Variants in CUL2 observed in about 807,000 individuals in gnomAD.
CUL2 encodes the protein cullin-2.
CUL2 carries 22 observed loss-of-function variants against 110.2 expected under a neutral mutation model. The ratio of observed to expected loss-of-function variants is 0.20; its 90% CI spans 0.14 to 0.28. The LOEUF (loss-of-function observed/expected upper bound fraction) is 0.28, where lower values mean the gene tolerates loss of function less well. CUL2 is among the 10% of genes least tolerant of loss of function. CUL2 has a pLI of 1.00. For missense variants in CUL2, 631 were observed against 905.5 expected, an observed-to-expected ratio of 0.70 and a Z score of 3.89; for synonymous variants, 279 against 293.2, an observed-to-expected ratio of 0.95 and a Z score of 0.49.
At chr10:35,049,499 G>C (rs1028394010) in intron 6 of CUL2, among the ~76,000 whole-genome samples, 184 bp downstream of exon 6, 1 of 128,484 alleles carries the variant, frequency 7.8e-6, no homozygotes, top group African/African-American at 3.0e-5. Flanking sequence ...GAAAAAAAAA[G>C]AAAGAAGAAG....
At chr10:35,041,671 T>C (rs940863497) in intron 8 of CUL2, among the ~76,000 whole-genome samples, 1 of 152,120 alleles carries the variant, frequency 6.6e-6, no homozygotes, top group African/African-American at 2.4e-5. Context: ...CCAAGAGCTA[T>C]GACCAGACGA....
chr10:35,041,128 A>T (rs2085776119), intron 8 of CUL2, among the ~76,000 whole-genome samples: 1 of 152,248 alleles, frequency 6.6e-6, no homozygotes, highest in Non-Finnish European at 1.5e-5. Context: ...ACTTTGATTA[A>T]CAATAAATCC....
At chr10:35,022,827 A>G (rs887145064) in intron 17 of CUL2, among the ~76,000 whole-genome samples, 3 of 152,118 alleles carry the variant, frequency 2.0e-5, no homozygotes, top group Non-Finnish European at 4.4e-5. Context: ...TGGGTGGATC[A>G]CGAGGTCAGG....
At chr10:35,061,281 C>A (rs2086373722) in intron 3 of CUL2, among the ~76,000 whole-genome samples, 1 of 151,898 alleles carries the variant, frequency 6.6e-6, no homozygotes, top group African/African-American at 2.4e-5. Flanking sequence ...CAAGACCAGC[C>A]TGACCAACAT....
chr10:35,036,741 T>A (rs552910875), intron 9 of CUL2, among the ~76,000 whole-genome samples: 2 of 152,198 alleles, frequency 1.3e-5, no homozygotes, highest in Admixed American at 6.6e-5. Context: ...GTGGTTTTAA[T>A]GGCTTTTTTT....
chr10:35,035,305 A>C lies in CUL2; in HGVS notation c.878-9T>G. The C allele has an allele frequency of 6.2e-7, 1 of 1,612,948 alleles. No homozygotes were observed. The highest frequency in any genetic ancestry group is 8.5e-7 in the Non-Finnish European group (1 of 1,179,088). ...GTACATATTTGCCATGTCTGAGAGG[A>C]AAAAGACATCTGAGGGTTAACTCCC... On this transcript the variant is annotated splice_polypyrimidine_tract_variant and intron_variant, in intron 9 of 20. Coordinates refer to ENST00000374749, the MANE Select transcript of CUL2 (RefSeq NM_003591.4).
At chr10:35,072,791 T>C (rs139809599) in intron 1 of CUL2, among the ~76,000 whole-genome samples, 74 of 152,326 alleles carry the variant, frequency 4.9e-4, no homozygotes, top group Non-Finnish European at 8.7e-4. Flanking sequence ...TAAATGTAAT[T>C]GCTCAAAGGA....
chr10:35,094,515 G>T (rs184176101), upstream of CUL2, among the ~76,000 whole-genome samples: 4 of 152,274 alleles, frequency 2.6e-5, no homozygotes, highest in East Asian at 1.9e-4. Flanking sequence ...GATTACAGGC[G>T]GGAGCCACTG....
chr10:35,123,007 G>A (rs1463731396), intron 1 of CUL2, among the ~76,000 whole-genome samples: 4 of 152,134 alleles, frequency 2.6e-5, no homozygotes, highest in Admixed American at 2.6e-4. Context: ...GCATGGTGGT[G>A]CACACCTGTA....
intron 2 of CUL2, among the ~76,000 whole-genome samples, chr10:35,067,647 G>A (rs1368593546): frequency 6.6e-6 from 1 of 151,746 alleles, no homozygotes; most frequent in African/African-American, 2.4e-5. Flanking sequence ...GGGAGGATGA[G>A]GCATGAGAAT....
At chr10:35,040,248 C>T (rs920565749) in intron 8 of CUL2, among the ~76,000 whole-genome samples, 2 of 152,132 alleles carry the variant, frequency 1.3e-5, no homozygotes, top group African/African-American at 4.8e-5. Flanking sequence ...TAAAGTTTAT[C>T]CTACATAAAG....
At chr10:35,051,799 T>A (rs185006077) in intron 5 of CUL2, among the ~76,000 whole-genome samples, 2 of 152,322 alleles carry the variant, frequency 1.3e-5, no homozygotes, top group African/African-American at 4.8e-5. Context: ...TAGAGTTTTT[T>A]ATATATTGTG....
intron 1 of CUL2, among the ~76,000 whole-genome samples, chr10:35,110,838 A>G (rs1054024824): frequency 2.6e-5 from 4 of 152,076 alleles, no homozygotes; most frequent in Non-Finnish European, 5.9e-5. Context: ...TTTTAACTTA[A>G]TCATATCTTT....
intron 1 of CUL2, among the ~76,000 whole-genome samples, chr10:35,074,692 G>A (rs1259790666): frequency 3.3e-5 from 5 of 152,126 alleles, no homozygotes; most frequent in Non-Finnish European, 5.9e-5. Flanking sequence ...CACCATGTTG[G>A]CCAGGCTGGT....
chr10:35,017,201 TG>T (rs2085058658), intron 17 of CUL2, among the ~76,000 whole-genome samples: 1 of 152,112 alleles, frequency 6.6e-6, no homozygotes, highest in Non-Finnish European at 1.5e-5. Flanking sequence ...CCAAAATTAA[TG>T]CTATTATGTC....
intron 10 of CUL2, among the ~76,000 whole-genome samples, chr10:35,034,627 T>C (rs1008558862): frequency 6.6e-6 from 1 of 152,212 alleles, no homozygotes; most frequent in African/African-American, 2.4e-5. Context: ...GACAAACTGT[T>C]ACAGTACAAA....
At chr10:35,036,337 C>T (rs1011131794) in intron 9 of CUL2, among the ~76,000 whole-genome samples, 3 of 152,240 alleles carry the variant, frequency 2.0e-5, no homozygotes, top group Admixed American at 1.3e-4. Context: ...TACTATTCTA[C>T]AGTAACTGGA....
At chr10:35,051,569 T>C (rs373970968) in intron 5 of CUL2, among the ~76,000 whole-genome samples, 18 of 151,824 alleles carry the variant, frequency 1.2e-4, no homozygotes, top group Middle Eastern at 3.4e-3. Context: ...GCCGAGATCG[T>C]GCCACTGCAC....
At chr10:35,023,755 A>AG (rs200579794) in intron 17 of CUL2, among the ~76,000 whole-genome samples, 11 of 130,820 alleles carry the variant, frequency 8.4e-5, no homozygotes, top group Admixed American at 7.6e-4. Flanking sequence ...TAGTTTTCTT[A>AG]GGGGAAAAAA....
Sources: gnomAD v4.1 joint callset for allele counts (sites outside exome capture counted in the v4.1 genomes callset) on GRCh38, gnomAD v4.1.1 for gene constraint, MANE v1.5 for transcripts, NCBI Gene and HGNC (gene_info 2026-07-23, HGNC 2026-07-21) for gene names.